Variants in GLIS3 observed in about 807,000 individuals in gnomAD.
GLIS3 encodes the protein zinc finger protein GLIS3.
A neutral mutation model predicts 78.6 loss-of-function variants in GLIS3; 53 were observed. That is an observed-to-expected ratio of 0.67 (90% CI 0.54 to 0.85). GLIS3 has a LOEUF of 0.85. Ranked by LOEUF, GLIS3 falls within the 40% of genes least tolerant of loss-of-function variation. GLIS3 has a pLI of 0.00. For missense variants in GLIS3, 1,703 were observed against 1,231.1 expected, an observed-to-expected ratio of 1.38 and a Z score of -5.74; for synonymous variants, 684 against 509.9, an observed-to-expected ratio of 1.34 and a Z score of -4.60.
At chr9:4,251,415 A>C (rs1297976321) in intron 2 of GLIS3, among the ~76,000 whole-genome samples, 3 of 141,890 alleles carry the variant, frequency 2.1e-5, no homozygotes, top group Non-Finnish European at 4.5e-5. Context: ...TTTATTAGAG[A>C]CTAGGATTGC....
chr9:4,049,224 CT>C (rs112079612), intron 4 of GLIS3, among the ~76,000 whole-genome samples: 4,994 of 152,232 alleles, frequency 0.033, 273 homozygotes, highest in African/African-American at 0.11. Context: ...AGCCAGTGTA[CT>C]GCTTGTCAAA....
chr9:4,381,200 G>T, the GLIS3 span, among the ~76,000 whole-genome samples: 1 of 152,148 alleles, frequency 6.6e-6, no homozygotes, highest in African/African-American at 2.4e-5. Flanking sequence ...AAATTTGGTG[G>T]TGGGGAAATA....
intron 2 of GLIS3, among the ~76,000 whole-genome samples, chr9:4,251,861 A>T (rs201521367): frequency 2.0e-5 from 3 of 152,184 alleles, no homozygotes; most frequent in East Asian, 1.9e-4. Context: ...CCTTCACTTA[A>T]GAGGCTTAGT....
the GLIS3 span, among the ~76,000 whole-genome samples, chr9:4,485,295 G>T: frequency 6.6e-6 from 1 of 152,042 alleles, no homozygotes; most frequent in Admixed American, 6.6e-5. Flanking sequence ...GATTACAGAC[G>T]TGAGCCACCG....
chr9:3,937,494 G>C (rs1051633944), intron 4 of GLIS3, among the ~76,000 whole-genome samples: 12 of 152,210 alleles, frequency 7.9e-5, no homozygotes, highest in African/African-American at 2.9e-4. Flanking sequence ...ATACAGTAAT[G>C]TGTGTCTTAA....
chr9:4,021,523 T>A (rs1030962368), intron 4 of GLIS3, among the ~76,000 whole-genome samples: 4 of 152,142 alleles, frequency 2.6e-5, no homozygotes, highest in Non-Finnish European at 5.9e-5. Context: ...TGTGGTAACT[T>A]CAAGGCTTGG....
chr9:3,874,462 G>C (rs550005259), intron 8 of GLIS3, among the ~76,000 whole-genome samples: 99 of 152,314 alleles, frequency 6.5e-4, no homozygotes, highest in Non-Finnish European at 1.2e-3. Context: ...GTTTCCCTGA[G>C]TTCTGTGAAC....
At chr9:3,903,664 C>G (rs1823471077) in intron 6 of GLIS3, among the ~76,000 whole-genome samples, 1 of 152,124 alleles carries the variant, frequency 6.6e-6, no homozygotes, top group South Asian at 2.1e-4. Context: ...GCAATCAAAA[C>G]AAAGACTCCT....
At chr9:4,060,385 C>T (rs951947333) in intron 4 of GLIS3, among the ~76,000 whole-genome samples, 1 of 152,182 alleles carries the variant, frequency 6.6e-6, no homozygotes, top group Non-Finnish European at 1.5e-5. Context: ...TTCAACTGAA[C>T]CTAACTTTAC....
the GLIS3 span, among the ~76,000 whole-genome samples, chr9:4,354,556 G>C: frequency 6.6e-6 from 1 of 152,150 alleles, no homozygotes; most frequent in Admixed American, 6.5e-5. Context: ...ATCTTATTCA[G>C]GTCAAAACCT....
intron 4 of GLIS3, among the ~76,000 whole-genome samples, chr9:4,111,356 G>C (rs139888005): frequency 3.9e-5 from 6 of 152,120 alleles, no homozygotes; most frequent in African/African-American, 1.4e-4. Context: ...TAGAATCACA[G>C]GGCAAAGAAA....
chr9:4,211,458 G>A (rs778160766), intron 2 of GLIS3, among the ~76,000 whole-genome samples: 14 of 152,172 alleles, frequency 9.2e-5, no homozygotes, highest in Non-Finnish European at 1.6e-4. Context: ...TTTCTGTAAG[G>A]AAAGAGACAC....
intron 2 of GLIS3, among the ~76,000 whole-genome samples, chr9:4,193,040 G>T (rs1818475077): frequency 6.6e-6 from 1 of 152,156 alleles, no homozygotes; most frequent in Admixed American, 6.5e-5. Context: ...TTTTAAGTAA[G>T]GTAAGCCTTA....
At chr9:4,246,195 C>T (rs559272005) in intron 2 of GLIS3, among the ~76,000 whole-genome samples, 20 of 152,104 alleles carry the variant, frequency 1.3e-4, no homozygotes, top group Non-Finnish European at 2.8e-4. Flanking sequence ...CCTGTCTCTA[C>T]CACAAATACA....
At chr9:4,099,003 C>T (rs998138538) in intron 4 of GLIS3, among the ~76,000 whole-genome samples, 5 of 152,088 alleles carry the variant, frequency 3.3e-5, no homozygotes, top group African/African-American at 9.7e-5. Context: ...GAATGTGTCC[C>T]GAAGACACAT....
In GLIS3 at chr9:4,125,741, C is replaced by A. The variant is rs1832525281; in HGVS notation, c.589G>T (p.Asp197Tyr). Residue 197 changes from aspartate (D) to tyrosine (Y), a missense_variant, in exon 3 of 11, where the codon GAT becomes TAT. Physicochemically the swap from Asp to Tyr is radical, Grantham distance 160 (BLOSUM62 -3). Coordinates refer to ENST00000381971, the MANE Select transcript of GLIS3 (RefSeq NM_001042413.2). ...NAANLNIPPSDTRSLISRESL... is the reference protein window; with the variant it reads ...NAANLNIPPSYTRSLISRESL... ...AAAAAGTTAACTTGAGACCTGGTAT[C>A]TGAAGGAGGTATATTCAGGTTGGCT... 6.2e-7 allele frequency: 1 copy of A among 1,613,048 alleles called. No homozygotes were observed. Among genetic ancestry groups the A allele is most frequent in the Non-Finnish European group, 8.5e-7 (1 of 1,179,544 alleles).
At chr9:4,197,671 G>T (rs985450537) in intron 2 of GLIS3, among the ~76,000 whole-genome samples, 2 of 152,180 alleles carry the variant, frequency 1.3e-5, no homozygotes, top group Non-Finnish European at 2.9e-5. Context: ...GGCTGAGGAG[G>T]GAGCTCAGAC....
the GLIS3 span, among the ~76,000 whole-genome samples, chr9:4,361,133 T>A: frequency 3.3e-5 from 5 of 152,228 alleles, no homozygotes; most frequent in Non-Finnish European, 5.9e-5. Flanking sequence ...CACTCATTCC[T>A]GGGAGTGTTA....
At chr9:4,412,166 C>G in the GLIS3 span, among the ~76,000 whole-genome samples, 3 of 152,180 alleles carry the variant, frequency 2.0e-5, no homozygotes, top group Non-Finnish European at 4.4e-5. Context: ...GGCACTCTTC[C>G]AAGAAGGCAT....
Sources: gnomAD v4.1 joint callset for allele counts (sites outside exome capture counted in the v4.1 genomes callset) on GRCh38, gnomAD v4.1.1 for gene constraint, MANE v1.5 for transcripts, NCBI Gene and HGNC (gene_info 2026-07-23, HGNC 2026-07-21) for gene names.